The following ROBO1 variants were observed in gnomAD, a reference collection of about 807,000 sequenced individuals.
The protein encoded by ROBO1 is roundabout homolog 1.
In ROBO1, 149 loss-of-function variants were observed where a neutral mutation model predicts 195.9. The ratio of observed to expected loss-of-function variants is 0.76; its 90% CI spans 0.67 to 0.87. The LOEUF (loss-of-function observed/expected upper bound fraction) is 0.87. Among genes scored for constraint, ROBO1 ranks in the 40% least tolerant of loss-of-function variants. The pLI is 0.00. For synonymous variants in ROBO1, 816 were observed against 733.2 expected, an observed-to-expected ratio of 1.11 and a Z score of -1.82; for missense variants, 1,933 against 2,068.3, an observed-to-expected ratio of 0.93 and a Z score of 1.27.
chr3:78,633,953 G>A lies in ROBO1; in HGVS notation c.3463C>T (p.Arg1155Trp), dbSNP rs759947257. 1.5e-5 allele frequency: 24 copies of A among 1,610,106 alleles called. No homozygotes were observed. The highest frequency in any genetic ancestry group is 9.9e-5 in the South Asian group (9 of 90,870). The change falls in exon 24 of 31, where the codon CGG becomes TGG. Residue 1155 changes from arginine to tryptophan, a missense_variant. Transcript: ENST00000464233. ...TACTTACCAGATGTACTACTGCCCC[G>A]GTCTGAGCTGTTGTAGGATCCTCCT... ...NTGGSYNSSD[R>W]GSSTSGSQGH...
chr3:79,635,780 C>T (rs780482851), intron 1 of ROBO1, among the ~76,000 whole-genome samples: 2 of 152,036 alleles, frequency 1.3e-5, no homozygotes, highest in African/African-American at 4.8e-5. Flanking sequence ...TGTAGGAGGC[C>T]GAGATGGAAT....
intron 2 of ROBO1, among the ~76,000 whole-genome samples, chr3:79,262,267 G>A (rs891940497): frequency 1.3e-5 from 2 of 152,008 alleles, no homozygotes; most frequent in Admixed American, 6.6e-5. Flanking sequence ...AAAATCAGCA[G>A]GAAATGGGGG....
intron 22 of ROBO1, among the ~76,000 whole-genome samples, chr3:78,637,000 T>C (rs1410993386): frequency 7.3e-6 from 1 of 136,180 alleles, no homozygotes; most frequent in Non-Finnish European, 1.5e-5. Context: ...ATTAAAATGG[T>C]AGGAAGAACT....
chr3:79,523,031 A>G (rs996462723), intron 2 of ROBO1, among the ~76,000 whole-genome samples: 3 of 152,218 alleles, frequency 2.0e-5, no homozygotes, highest in Non-Finnish European at 4.4e-5. Context: ...GTGCTTTACA[A>G]TCAGATGACA....
chr3:78,738,500 T>TAA (rs931237923), intron 5 of ROBO1, among the ~76,000 whole-genome samples: 18 of 152,154 alleles, frequency 1.2e-4, no homozygotes, highest in African/African-American at 4.1e-4. Context: ...ATGATACAGA[T>TAA]AAAACCCTTC....
chr3:79,735,869 T>G (rs1458685484), intron 1 of ROBO1, among the ~76,000 whole-genome samples: 1 of 37,322 alleles, frequency 2.7e-5, no homozygotes, highest in Admixed American at 3.4e-4. Context: ...AGACTCCGTC[T>G]CAAAAAAAAA....
chr3:78,861,918 T>C (rs1263281084), intron 4 of ROBO1, among the ~76,000 whole-genome samples: 1 of 152,216 alleles, frequency 6.6e-6, no homozygotes, highest in East Asian at 1.9e-4. Context: ...CTATGGCTTA[T>C]ATTTAGAATA....
chr3:78,711,703 G>A (rs1036122962), intron 8 of ROBO1, among the ~76,000 whole-genome samples: 3 of 150,138 alleles, frequency 2.0e-5, no homozygotes, highest in East Asian at 2.0e-4. Context: ...TAGTCAGGCC[G>A]GTCTCGAACT....
At chr3:79,293,014 T>C (rs1021097218) in intron 2 of ROBO1, among the ~76,000 whole-genome samples, 2 of 152,170 alleles carry the variant, frequency 1.3e-5, no homozygotes, top group African/African-American at 2.4e-5. Flanking sequence ...CCTTCGCTTT[T>C]TTTGGTTGGT....
intron 2 of ROBO1, among the ~76,000 whole-genome samples, chr3:79,145,122 A>G (rs1044825734): frequency 3.9e-5 from 6 of 151,996 alleles, no homozygotes; most frequent in South Asian, 2.1e-4. Context: ...TCATGAAGCT[A>G]TAACTATCAG....
chr3:79,044,239 G>A (rs142463979), intron 3 of ROBO1, among the ~76,000 whole-genome samples: 4 of 152,042 alleles, frequency 2.6e-5, no homozygotes, highest in African/African-American at 7.2e-5. Context: ...TGTGGGCTGT[G>A]GGGTGGACAA....
chr3:79,600,990 C>T (rs1158461386), intron 1 of ROBO1, among the ~76,000 whole-genome samples: 4 of 151,768 alleles, frequency 2.6e-5, no homozygotes, highest in Non-Finnish European at 5.9e-5. Flanking sequence ...GCAGAGGGAG[C>T]GATGGAGATA....
chr3:79,527,813 T>C (rs1941493989), intron 2 of ROBO1: 1 of 16,444 alleles, frequency 6.1e-5, no homozygotes, highest in Admixed American at 4.1e-4. Flanking sequence ...TTGCTTACGT[T>C]TTCTTACCTC....
At chr3:79,370,289 C>G (rs1464311786) in intron 2 of ROBO1, among the ~76,000 whole-genome samples, 1 of 151,708 alleles carries the variant, frequency 6.6e-6, no homozygotes, top group Non-Finnish European at 1.5e-5. Flanking sequence ...GCCTGGGAGG[C>G]GGAGGTTGCA....
intron 19 of ROBO1, among the ~76,000 whole-genome samples, chr3:78,647,909 G>T (rs921015372): frequency 6.6e-6 from 1 of 152,066 alleles, no homozygotes; most frequent in Non-Finnish European, 1.5e-5. Flanking sequence ...GTTAGCCTGT[G>T]AATGACCCTG....
Position 79,303,159 on chromosome 3 carries a change from G to GTTTTTTTTTTTT in ROBO1, c.89-177621_89-177620insAAAAAAAAAAAA, listed in dbSNP as rs368110549. The stretch of plus-strand genomic sequence containing the variant: ...ATTAATATATGAATTATCTCACATA[G>GTTTTTTTTTTTT]GTTTTTTTTTTTTTTTTTTTTTTTG... On this transcript the variant is annotated intron_variant, in intron 2 of 30. Transcript: ENST00000464233. Among the ~76,000 whole-genome samples, 4 of 72,078 alleles carry GTTTTTTTTTTTT rather than the reference G, an allele frequency of 5.5e-5. 1 individual carries two copies. The highest frequency in any genetic ancestry group is 4.0e-4 in the East Asian group (1 of 2,488). The allele number at this position is 72,078 out of a possible 152,430, so 47.3% of individuals were successfully genotyped here.
intron 1 of ROBO1, among the ~76,000 whole-genome samples, chr3:79,640,599 T>G (rs1945630315): frequency 6.6e-6 from 1 of 152,188 alleles, no homozygotes. Flanking sequence ...CTGACTTCAA[T>G]TTTATGTACC....
At chr3:78,739,963 C>CA (rs1010073081) in intron 5 of ROBO1, among the ~76,000 whole-genome samples, 4 of 151,998 alleles carry the variant, frequency 2.6e-5, no homozygotes. Flanking sequence ...TGTTATGAGT[C>CA]AAAAAAATGC....
At chr3:79,738,717 A>G (rs955712691) in intron 1 of ROBO1, among the ~76,000 whole-genome samples, 1 of 152,202 alleles carries the variant, frequency 6.6e-6, no homozygotes. Context: ...ACCAAGTCTT[A>G]TAAGAAAATA....
Sources: gnomAD v4.1 joint callset for allele counts (sites outside exome capture counted in the v4.1 genomes callset) on GRCh38, gnomAD v4.1.1 for gene constraint, MANE v1.5 for transcripts, NCBI Gene and HGNC (gene_info 2026-07-23, HGNC 2026-07-21) for gene names.